The following DPPA4 variants were observed in gnomAD, a reference collection of about 807,000 sequenced individuals.
DPPA4 encodes developmental pluripotency associated 4.
DPPA4 carries 22 observed loss-of-function variants against 33.7 expected under a neutral mutation model. The observed-to-expected ratio is 0.65, with a 90% CI of 0.47 to 0.93. The LOEUF (loss-of-function observed/expected upper bound fraction) is 0.93. DPPA4 is among the 40% of genes least tolerant of loss of function. The pLI, the probability that DPPA4 is intolerant of heterozygous loss-of-function variation, is 0.00. For synonymous variants in DPPA4, 156 were observed against 132.3 expected (o/e 1.18, Z -1.23); for missense variants, 340 against 358.6 (o/e 0.95, Z 0.42).
At chr3:109,332,172 G>C in intron 2 of DPPA4, 141 bp from the exon 3 acceptor site, 1 of 652,952 alleles carries the variant, frequency 1.5e-6, no homozygotes, top group Non-Finnish European at 2.5e-6. Context: ...CGCGATCTTG[G>C]CTCCCTGCAA....
rs202099492 is a variant in DPPA4 at position 109,326,211 on chromosome 3, G to A, written c.*1777C>T. The stretch of plus-strand genomic sequence containing the variant: ...AGTTTATTGAAATGTGTTAGAAGCA[G>A]GGGAAGTATCTACAAGCAGAATCGT... On this transcript the variant is annotated 3_prime_UTR_variant, in exon 7 of 7. Coordinates refer to ENST00000335658, the MANE Select transcript of DPPA4 (RefSeq NM_018189.4). 1 of 135,492 alleles carries A rather than the reference G, an allele frequency of 7.4e-6. No individual in the cohort carries two copies. The highest frequency in any genetic ancestry group is 3.8e-5 in the African/African-American group (1 of 26,148). The allele number at this position is 135,492 out of a possible 1,614,324, so 8.4% of individuals were successfully genotyped here. A position where few individuals can be genotyped will look rare whatever the true frequency, so the allele number is the denominator to read the frequency against.
chr3:109,339,421 T>A (rs190313077), upstream of DPPA4, among the ~76,000 whole-genome samples: 1 of 152,120 alleles, frequency 6.6e-6, no homozygotes, highest in East Asian at 1.9e-4. Flanking sequence ...TGTGGGCATG[T>A]CTGGAGAAAA....
Position 109,327,455 on chromosome 3 carries a change from G to T in DPPA4, c.*533C>A, listed in dbSNP as rs1707961686. The stretch of plus-strand genomic sequence containing the variant: ...GGGAGGCTGAGGAGGGTGATCACTT[G>T]AGTCCAGGAGTTTGAGACCAACCTG... On this transcript the variant is annotated 3_prime_UTR_variant, in exon 7 of 7. Coordinates refer to ENST00000335658, the MANE Select transcript of DPPA4 (RefSeq NM_018189.4). 6.6e-6 allele frequency: 1 copy of T among 152,504 alleles called. No individual in the cohort carries two copies. Among genetic ancestry groups the T allele is most frequent in the Non-Finnish European group, 1.5e-5 (1 of 68,296 alleles). The allele number at this position is 152,504 out of a possible 1,614,324, so 9.4% of individuals were successfully genotyped here.
chr3:109,332,122 A>G, intron 2 of DPPA4, 91 bp from the exon 3 acceptor site: 1 of 1,272,184 alleles, frequency 7.9e-7, no homozygotes. Flanking sequence ...TTCTTTTTTG[A>G]GACAGAATCT....
chr3:109,328,112 A>ATT (rs1197512147), intron 6 of DPPA4, 88 bp from the exon 7 acceptor site: 1 of 859,586 alleles, frequency 1.2e-6, no homozygotes, highest in Non-Finnish European at 1.9e-6. Flanking sequence ...TGCTGTTGAA[A>ATT]TTGCCCTTAC....
rs1707947164 is a variant in DPPA4, at chr3:109,326,889, A to G, written c.*1099T>C. 2.0e-5 allele frequency: 3 copies of G among 152,200 alleles called. No individual in the cohort carries two copies. Among genetic ancestry groups the G allele is most frequent in the African/African-American group, 7.2e-5 (3 of 41,448 alleles). The allele number at this position is 152,200 out of a possible 1,614,324, so 9.4% of individuals were successfully genotyped here. On this transcript the variant is annotated 3_prime_UTR_variant, in exon 7 of 7. Transcript: ENST00000335658. ...GTTTACTCCTACTTGAGTTAAGAAC[A>G]CTAACAATAAAATTTGCATGCAATG...
chr3:109,331,451 G>A (rs1299026223), intron 4 of DPPA4, among the ~76,000 whole-genome samples: 1 of 147,496 alleles, frequency 6.8e-6, no homozygotes, highest in Non-Finnish European at 1.5e-5. Flanking sequence ...GGCTGAGGCA[G>A]GAGAATTGCT....
intron 1 of DPPA4, among the ~76,000 whole-genome samples, 193 bp downstream of exon 1, chr3:109,337,271 C>T (rs1343930558): frequency 6.6e-6 from 1 of 151,402 alleles, no homozygotes; most frequent in Non-Finnish European, 1.5e-5. Context: ...TCATTTCTTA[C>T]TTGTCTGCTC....
At chr3:109,334,088 C>T (rs1351737) in intron 1 of DPPA4, 95 bp from the exon 2 acceptor site, 101,880 of 1,359,232 alleles carry the variant, frequency 0.075, 5,755 homozygotes, top group African/African-American at 0.2. Flanking sequence ...GGCACCAACG[C>T]AGTTACTGGA....
At position 109,327,536 on chromosome 3, in the gene DPPA4, G is replaced by A. The variant is rs1166631327; in HGVS notation, c.*452C>T. 3 of 153,436 alleles carry A rather than the reference G, an allele frequency of 2.0e-5. No individual in the cohort carries two copies. The highest frequency in any genetic ancestry group is 4.3e-5 in the Non-Finnish European group (3 of 69,048). The allele number at this position is 153,436 out of a possible 1,614,324, so 9.5% of individuals were successfully genotyped here. On this transcript the variant is annotated 3_prime_UTR_variant, in exon 7 of 7. Transcript: ENST00000335658. The stretch of plus-strand genomic sequence containing the variant: ...AAATACAAAAAATTAGCTGGGTGTG[G>A]TGGCAGGTGCCTGTACCTAGCTACT...
intron 5 of DPPA4, 125 bp downstream of exon 5, chr3:109,330,399 G>T: frequency 9.5e-7 from 1 of 1,047,908 alleles, no homozygotes; most frequent in Non-Finnish European, 1.5e-6. Context: ...GAAACTCTGT[G>T]GGCAGGGTCC....
In DPPA4 at chr3:109,333,855, T is replaced by C. The variant is rs771492341; in HGVS notation, c.178+15A>G. On this transcript the variant is annotated intron_variant, in intron 2 of 6. Transcript: ENST00000335658. ...ACCCGAGAAGGTGGGATTTGAGAAT[T>C]TGAAGACCTCTTACCTTTACTGCCT... 27 of 1,611,844 alleles carry C rather than the reference T, an allele frequency of 1.7e-5. No homozygotes were observed. The East Asian group carries it at 3.1e-4, about 19-fold the overall frequency.
In DPPA4 at chr3:109,328,890, C is replaced by T. The variant is rs773873734; in HGVS notation, c.878G>A (p.Arg293Lys). 6.2e-7 allele frequency: 1 copy of T among 1,613,120 alleles called. No individual in the cohort carries two copies. Among genetic ancestry groups the T allele is most frequent in the Non-Finnish European group, 8.5e-7 (1 of 1,179,456 alleles). ...DNMLCPKCVH[R>K]NKVLIKSLQW... ...TTGTAGAAAAGCATCAGGTAATTAC[C>T]TGTGAACACATTTGGGGCACAACAT... is the stretch of plus-strand genomic sequence containing the variant. The change falls in exon 6 of 7, where the codon AGG (arginine) becomes AAG (lysine). Residue 293 changes from arginine to lysine, a missense_variant and splice_region_variant. Physicochemically the swap from Arg to Lys is conservative, Grantham distance 26. Around this residue, in one of 3 missense-constraint regions of DPPA4, gnomAD observed 212 missense variants for 206.5 expected, o/e 1.03. Coordinates refer to ENST00000335658, the MANE Select transcript of DPPA4 (RefSeq NM_018189.4).
chr3:109,330,891 A>G, intron 4 of DPPA4, 79 bp from the exon 5 acceptor site: 6 of 1,129,194 alleles, frequency 5.3e-6, no homozygotes, highest in Non-Finnish European at 7.3e-6. Flanking sequence ...CTCTTGATCA[A>G]ATACAAAGTT....
At chr3:109,337,959 C>A (rs1356249339), upstream of DPPA4, among the ~76,000 whole-genome samples, 1 of 152,174 alleles carries the variant, frequency 6.6e-6, no homozygotes, top group Non-Finnish European at 1.5e-5. Flanking sequence ...TTTTCTCGTA[C>A]CAAATACATT....
chr3:109,333,267 G>A (rs571284078), intron 2 of DPPA4: 9 of 150,484 alleles, frequency 6.0e-5, no homozygotes, highest in East Asian at 3.9e-4. Context: ...GCTTGAACTC[G>A]GGAGGCACAG....
In DPPA4 at chr3:109,332,457, TA is replaced by T. The variant is rs370897550; in HGVS notation, c.179-427del. On this transcript the variant is annotated intron_variant, in intron 2 of 6. Transcript: ENST00000335658. ...TCTCAAACCTAGGATTTACCACTTCTAAAACCCAGTTTTATTCCTAAATTGC... is the reference window on the plus strand; with the variant it reads ...TCTCAAACCTAGGATTTACCACTTCTAAACCCAGTTTTATTCCTAAATTGC... 1.2e-4 allele frequency among the ~76,000 whole-genome samples: 18 copies of T among 152,290 alleles called. No individual in the cohort carries two copies. In the East Asian group the frequency reaches 2.7e-3, roughly 23 times the overall value.
chr3:109,338,689 C>T (rs1448065941), upstream of DPPA4, among the ~76,000 whole-genome samples: 2 of 152,110 alleles, frequency 1.3e-5, no homozygotes, highest in Non-Finnish European at 2.9e-5. Flanking sequence ...GAAGGAAGTG[C>T]AGGTTGTGGA....
chr3:109,335,317 G>T (rs1708168830), intron 1 of DPPA4, among the ~76,000 whole-genome samples: 1 of 151,980 alleles, frequency 6.6e-6, no homozygotes, highest in African/African-American at 2.4e-5. Context: ...TAGAGGTGAG[G>T]TCTCCCTATG....
Sources: allele counts gnomAD v4.1 joint callset (sites outside exome capture counted in the v4.1 genomes callset), GRCh38; gene constraint gnomAD v4.1.1; regional missense constraint gnomAD v4.1.1; transcripts MANE v1.5; gene names NCBI Gene and HGNC (gene_info 2026-07-23, HGNC 2026-07-21).